The following CBR4 variants were observed in gnomAD, a reference collection of about 807,000 sequenced individuals.
The protein encoded by CBR4 is carbonyl reductase 4, also known as 3-oxoacyl-[acyl-carrier-protein] reductase.
A neutral mutation model predicts 21.0 loss-of-function variants in CBR4; 22 were observed. The ratio of observed to expected loss-of-function variants is 1.05; its 90% CI spans 0.75 to 1.50. The LOEUF (loss-of-function observed/expected upper bound fraction) is 1.50. Among genes scored for constraint, CBR4 ranks in the 40% most tolerant of loss-of-function variants. The probability of loss-of-function intolerance (pLI) is 0.00; values close to 1 mark genes in which losing one functional copy is unlikely to be tolerated. For synonymous variants in CBR4, 100 were observed against 104.4 expected (o/e 0.96, Z 0.26); for missense variants, 302 against 286.3 (o/e 1.05, Z -0.40).
intron 2 of CBR4, chr4:168,925,356 C>T: frequency 9.1e-7 from 1 of 1,101,774 alleles, no homozygotes; most frequent in African/African-American, 1.5e-5. Context: ...GTTGTGGCTT[C>T]CTTACTCAAG....
At chr4:168,955,164 T>TG (rs1763647842) in intron 2 of CBR4, among the ~76,000 whole-genome samples, 1 of 152,180 alleles carries the variant, frequency 6.6e-6, no homozygotes, top group Non-Finnish European at 1.5e-5. Flanking sequence ...GATGGCAGGA[T>TG]GGGAAGTATG....
chr4:168,897,867 T>C (rs1396790469), intron 2 of CBR4: 1 of 151,976 alleles, frequency 6.6e-6, no homozygotes, highest in Non-Finnish European at 1.5e-5. Flanking sequence ...TCAGTCCTAT[T>C]TTTTCTTCTA....
intron 2 of CBR4, chr4:168,925,339 C>A: frequency 7.7e-7 from 1 of 1,291,050 alleles, no homozygotes; most frequent in Non-Finnish European, 1.1e-6. Flanking sequence ...CTTACATTGG[C>A]TAGTTAGTTG....
intron 2 of CBR4, among the ~76,000 whole-genome samples, chr4:168,904,877 AG>A (rs1757300659): frequency 6.6e-6 from 1 of 152,122 alleles, no homozygotes; most frequent in Non-Finnish European, 1.5e-5. Flanking sequence ...CTGTAGTCCC[AG>A]CACTTTGGGA....
intron 2 of CBR4, among the ~76,000 whole-genome samples, chr4:168,919,262 G>A (rs538946249): frequency 7.7e-4 from 117 of 152,224 alleles, no homozygotes; most frequent in Admixed American, 4.2e-3. Context: ...CGTGGGTCAC[G>A]CCTGTAATCC....
intron 2 of CBR4, among the ~76,000 whole-genome samples, chr4:168,938,410 AAGCAAGCAC>A (rs1297024862): frequency 6.6e-6 from 1 of 152,214 alleles, no homozygotes; most frequent in African/African-American, 2.4e-5. Context: ...AGAACTACAG[AAGCAAGCAC>A]AAATAAATTC....
intron 2 of CBR4, chr4:168,897,946 T>TG (rs1438866521): frequency 2.7e-5 from 4 of 150,538 alleles, no homozygotes; most frequent in South Asian, 2.1e-4. Flanking sequence ...TTGTTAGAGG[T>TG]GGGGGAAAAA....
intron 2 of CBR4, among the ~76,000 whole-genome samples, chr4:168,931,190 C>A (rs1250135176): frequency 1.3e-5 from 2 of 152,312 alleles, no homozygotes; most frequent in African/African-American, 4.8e-5. Context: ...TTGAGCTGGC[C>A]AAACTGGGCC....
chr4:168,910,191 C>A (rs1758621823), intron 2 of CBR4, among the ~76,000 whole-genome samples: 1 of 149,910 alleles, frequency 6.7e-6, no homozygotes, highest in African/African-American at 2.5e-5. Context: ...AATGTGTGAC[C>A]TTTCCAGAGT....
Position 169,002,218 on chromosome 4 carries a change from A to C in CBR4, c.401-13T>G, listed in dbSNP as rs1243884659. 5 of 603,504 alleles carry C rather than the reference A, an allele frequency of 8.3e-6. No homozygotes were observed. The highest frequency in any genetic ancestry group is 4.2e-5 in the Admixed American group (1 of 23,738). The allele number at this position is 603,504 out of a possible 1,614,324, so 37.4% of individuals were successfully genotyped here. A position where few individuals can be genotyped will look rare whatever the true frequency, so the allele number is the denominator to read the frequency against. ...CCAACAATGCTTCCTAGGACAAAAA[A>C]AAAAAAAAAAAAAAAAAAAGCGTAT... On this transcript the variant is annotated splice_polypyrimidine_tract_variant and intron_variant, in intron 3 of 4. Transcript: ENST00000306193.
intron 2 of CBR4, chr4:168,921,793 C>T: frequency 1.5e-6 from 2 of 1,326,020 alleles, no homozygotes; most frequent in South Asian, 1.2e-5. Context: ...ATCAGACTTA[C>T]AAATGTAAAC....
chr4:168,947,524 A>G (rs1430352880), intron 2 of CBR4, among the ~76,000 whole-genome samples: 1 of 152,012 alleles, frequency 6.6e-6, no homozygotes, highest in African/African-American at 2.4e-5. Context: ...GTAATCGTTT[A>G]TTCCTCACCC....
chr4:168,913,161 G>A (rs1390206728), intron 2 of CBR4, among the ~76,000 whole-genome samples: 2 of 142,804 alleles, frequency 1.4e-5, no homozygotes, highest in Non-Finnish European at 3.0e-5. Context: ...TTTTGAGACA[G>A]AGTCTTGCTC....
chr4:168,967,056 C>T (rs1355658219), intron 2 of CBR4, among the ~76,000 whole-genome samples: 1 of 151,496 alleles, frequency 6.6e-6, no homozygotes, highest in African/African-American at 2.4e-5. Flanking sequence ...CACATGCACA[C>T]ATATGTTTAT....
intron 2 of CBR4, among the ~76,000 whole-genome samples, chr4:168,925,705 TAAGAA>T (rs1762452544): frequency 1.3e-5 from 2 of 152,100 alleles, no homozygotes; most frequent in Non-Finnish European, 2.9e-5. Flanking sequence ...AGAAAAAAAT[TAAGAA>T]TTTATTTAAG....
intron 2 of CBR4, among the ~76,000 whole-genome samples, chr4:168,971,397 G>A (rs1420475321): frequency 2.7e-5 from 4 of 149,924 alleles, no homozygotes; most frequent in South Asian, 2.1e-4. Context: ...AGCCTCCCGA[G>A]TAGCTGGGAT....
At chr4:168,994,207 C>T (rs190812511) in intron 4 of CBR4, among the ~76,000 whole-genome samples, 24 of 152,282 alleles carry the variant, frequency 1.6e-4, no homozygotes, top group Admixed American at 2.6e-4. Flanking sequence ...AAGGGATGGG[C>T]CGAAATAAAG....
intron 2 of CBR4, among the ~76,000 whole-genome samples, chr4:168,962,795 A>G (rs1464921570): frequency 6.6e-6 from 1 of 152,212 alleles, no homozygotes; most frequent in African/African-American, 2.4e-5. Context: ...ATCAACAGCT[A>G]AGAGACCAGC....
Position 169,009,962 on chromosome 4 carries a change from G to A in CBR4, c.128C>T (p.Ala43Val), listed in dbSNP as rs1731277273. 6.2e-7 allele frequency: 1 copy of A among 1,611,878 alleles called. No homozygotes were observed. Among genetic ancestry groups the A allele is most frequent in the Non-Finnish European group, 8.5e-7 (1 of 1,179,314 alleles). ...TTGGTACCTACCGCCGAGGTCACCG[G>A]CGGCGGCTTTGGCCCCTTCCAGGTT... is the stretch of plus-strand genomic sequence containing the variant. ...ARNLEGAKAAAGDLGGDHLAF... is the reference protein window; with the variant it reads ...ARNLEGAKAAVGDLGGDHLAF... The change falls in exon 1 of 5, where the codon GCC becomes GTC. Residue 43 changes from alanine (A) to valine (V), a missense_variant. By Grantham distance (64) the Ala-to-Val change is moderately conservative. Coordinates refer to ENST00000306193, the MANE Select transcript of CBR4 (RefSeq NM_032783.5).
Sources: allele counts gnomAD v4.1 joint callset (sites outside exome capture counted in the v4.1 genomes callset), GRCh38; gene constraint gnomAD v4.1.1; transcripts MANE v1.5; gene names NCBI Gene and HGNC (gene_info 2026-07-23, HGNC 2026-07-21).